The following KAZN variants were observed in gnomAD, a reference collection of about 807,000 sequenced individuals.
The protein encoded by KAZN is kazrin, periplakin interacting protein.
In KAZN, 40 loss-of-function variants were observed where a neutral mutation model predicts 87.4. The observed-to-expected ratio is 0.46, with a 90% CI of 0.36 to 0.60. KAZN has a LOEUF of 0.60. Among genes scored for constraint, KAZN ranks in the 20% least tolerant of loss-of-function variants. The pLI is 0.00. For synonymous variants in KAZN, 466 were observed against 458.3 expected (o/e 1.02, Z -0.22); for missense variants, 898 against 1,073.9 (o/e 0.84, Z 2.29).
chr1:13,946,850 G>T (rs1174131823), intron 1 of KAZN, among the ~76,000 whole-genome samples: 1 of 151,940 alleles, frequency 6.6e-6, no homozygotes, highest in African/African-American at 2.4e-5. Flanking sequence ...CATGTGTGTG[G>T]CTGCTGTTAC....
intron 1 of KAZN, among the ~76,000 whole-genome samples, chr1:14,892,085 G>T (rs1175891102): frequency 6.6e-6 from 1 of 152,112 alleles, no homozygotes; most frequent in African/African-American, 2.4e-5. Flanking sequence ...TGAAGTAAAT[G>T]CCTCCTCAAG....
intron 2 of KAZN, among the ~76,000 whole-genome samples, chr1:15,006,794 C>T (rs1374563316): frequency 6.6e-6 from 1 of 152,022 alleles, no homozygotes; most frequent in East Asian, 1.9e-4. Context: ...CGGTGGCTCA[C>T]GCCTGTAATC....
At chr1:15,063,703 C>T (rs914838112) in intron 7 of KAZN, 81 bp downstream of exon 7, 2 of 1,159,650 alleles carry the variant, frequency 1.7e-6, no homozygotes, top group Admixed American at 1.7e-5. Context: ...CCCCTGAGCC[C>T]ACATCCATGC....
At chr1:14,595,396 G>A (rs901845327), upstream of KAZN, among the ~76,000 whole-genome samples, 5 of 152,032 alleles carry the variant, frequency 3.3e-5, no homozygotes, top group African/African-American at 7.2e-5. Context: ...ACGTAGACCC[G>A]GCCGAGCGCT....
At chr1:14,578,710 G>A (rs1415395847) in intron 2 of KAZN, among the ~76,000 whole-genome samples, 1 of 152,190 alleles carries the variant, frequency 6.6e-6, no homozygotes. Flanking sequence ...GTAGGATGGA[G>A]TAGTAAATTT....
intron 2 of KAZN, among the ~76,000 whole-genome samples, chr1:14,587,596 G>A (rs1279317308): frequency 1.3e-5 from 2 of 151,984 alleles, no homozygotes; most frequent in Admixed American, 6.6e-5. Flanking sequence ...GAGCAGGAGT[G>A]AGAGTGGGGG....
At chr1:14,405,447 G>A (rs374322904) in intron 2 of KAZN, among the ~76,000 whole-genome samples, 1 of 152,136 alleles carries the variant, frequency 6.6e-6, no homozygotes, top group East Asian at 1.9e-4. Flanking sequence ...TATAAGAGTA[G>A]TTTTGCGTTG....
At chr1:14,334,990 T>C in intron 2 of KAZN, among the ~76,000 whole-genome samples, 1 of 151,808 alleles carries the variant, frequency 6.6e-6, no homozygotes, top group Non-Finnish European at 1.5e-5. Context: ...CAGACACTGA[T>C]ATGGTTTAGG....
chr1:14,880,533 T>C (rs1199820023), intron 1 of KAZN, among the ~76,000 whole-genome samples: 1 of 152,122 alleles, frequency 6.6e-6, no homozygotes. Context: ...TTCCATGATG[T>C]TCAGGGCCTC....
Position 14,883,350 on chromosome 1 carries a change from GAAAGA to G in KAZN, c.227-77326_227-77322del, listed in dbSNP as rs1217419602. The stretch of plus-strand genomic sequence containing the variant: ...AGAGAGAGAGAGAGAGAGAAAGAAA[GAAAGA>G]AAAGAAAGAAAGAAAGAAAGAAAGA... On this transcript the variant is annotated intron_variant, in intron 1 of 14. Coordinates refer to ENST00000376030, the MANE Select transcript of KAZN (RefSeq NM_201628.3). Among the ~76,000 whole-genome samples, 3 of 34,486 alleles carry G rather than the reference GAAAGA, an allele frequency of 8.7e-5. 1 individual carries two copies. The highest frequency in any genetic ancestry group is 7.4e-4 in the Admixed American group (2 of 2,696). 22.6% of individuals were successfully genotyped at this position (34,486 alleles called of 152,430 possible).
At position 14,533,785 on chromosome 1, in the gene KAZN, C is replaced by G. The variant is rs530785695; in HGVS notation, c.250-65198C>G. On this transcript the variant is annotated intron_variant, in intron 2 of 16. Coordinates refer to the KAZN transcript ENST00000636203. ...ATTTCTCTCCTTTTGATAAATGACT[C>G]TGGTATATTTTACCGACATTTTTGT... Among the ~76,000 whole-genome samples, 5 of 152,264 alleles carry G rather than the reference C, an allele frequency of 3.3e-5. No homozygotes were observed. The South Asian group carries it at 6.2e-4, about 19-fold the overall frequency.
chr1:14,377,920 G>A (rs544550369), intron 2 of KAZN, among the ~76,000 whole-genome samples: 1 of 152,304 alleles, frequency 6.6e-6, no homozygotes, highest in South Asian at 2.1e-4. Context: ...AACTGAGAAT[G>A]TCTCCAGACA....
intron 1 of KAZN, among the ~76,000 whole-genome samples, chr1:14,680,039 C>A (rs367716579): frequency 6.6e-6 from 1 of 152,114 alleles, no homozygotes; most frequent in Non-Finnish European, 1.5e-5. Flanking sequence ...TGTTTAAAGC[C>A]GGCAGATGCT....
At chr1:13,935,252 G>GTAGTAATAATAATAATAATAATAA (rs1553175647) in intron 1 of KAZN, among the ~76,000 whole-genome samples, 4,107 of 146,974 alleles carry the variant, frequency 0.028, 78 homozygotes, top group Middle Eastern at 0.064. Flanking sequence ...AGTAGTAGTA[G>GTAGTAATAATAATAATAATAATAA]TAATAATAAT....
At position 15,081,250 on chromosome 1, in the gene KAZN, T is replaced by C. The variant is rs1639991290; in HGVS notation, c.1223-12930T>C. ...CACACAGGCCCACGGATGGCTCTCT[T>C]CCCAACTCCACGTCCAGTGACAGCC... On this transcript the variant is annotated intron_variant, in intron 8 of 14. Coordinates refer to ENST00000376030, the MANE Select transcript of KAZN (RefSeq NM_201628.3). The surrounding 1 kb of genome is among the most constrained non-coding windows in gnomAD (Gnocchi z 4.1). Among the ~76,000 whole-genome samples the C allele has an allele frequency of 6.6e-6, 1 of 152,184 alleles. No individual in the cohort carries two copies. Among genetic ancestry groups the C allele is most frequent in the Admixed American group, 6.5e-5 (1 of 15,286 alleles).
chr1:14,589,532 A>C (rs1206625117), intron 2 of KAZN, among the ~76,000 whole-genome samples: 1 of 152,242 alleles, frequency 6.6e-6, no homozygotes, highest in African/African-American at 2.4e-5. Context: ...ACACTGACTT[A>C]TACAGCGTAC....
chr1:14,564,144 T>C (rs543397893), intron 2 of KAZN, among the ~76,000 whole-genome samples: 4 of 152,220 alleles, frequency 2.6e-5, no homozygotes, highest in African/African-American at 9.6e-5. Context: ...CCTTCCTATC[T>C]ATTCTCAGGC....
chr1:14,924,457 C>G, intron 1 of KAZN: 3 of 989,294 alleles, frequency 3.0e-6, no homozygotes, highest in South Asian at 4.5e-5. Context: ...GGGCCGGGCC[C>G]GCGCGGCCCC....
At chr1:14,247,255 G>A (rs746490488) in intron 2 of KAZN, among the ~76,000 whole-genome samples, 4 of 152,166 alleles carry the variant, frequency 2.6e-5, no homozygotes, top group Non-Finnish European at 5.9e-5. Context: ...TAGGCTAGAA[G>A]TGAATAGAAC....
Sources: gnomAD v4.1 joint callset for allele counts (sites outside exome capture counted in the v4.1 genomes callset) on GRCh38, gnomAD v4.1.1 for gene constraint, Gnocchi (gnomAD v3.1) non-coding constraint, MANE v1.5 for transcripts, NCBI Gene and HGNC (gene_info 2026-07-23, HGNC 2026-07-21) for gene names.